Variants in BAIAP3 observed in about 807,000 individuals in gnomAD.
BAIAP3 encodes BAI1-associated protein 3.
In BAIAP3, 180 loss-of-function variants were observed where a neutral mutation model predicts 149.7. The ratio of observed to expected loss-of-function variants is 1.20; its 90% CI spans 1.07 to 1.36. The LOEUF (loss-of-function observed/expected upper bound fraction) is 1.36. Among genes scored for constraint, BAIAP3 ranks in the 40% most tolerant of loss-of-function variants. The pLI is 0.00. For synonymous variants in BAIAP3, 845 were observed against 670.7 expected, an observed-to-expected ratio of 1.26 and a Z score of -4.02; for missense variants, 1,767 against 1,563.4, an observed-to-expected ratio of 1.13 and a Z score of -2.20.
At chr16:1,341,763 C>G in intron 8 of BAIAP3, 59 bp from the exon 9 acceptor site, 1 of 1,568,520 alleles carries the variant, frequency 6.4e-7, no homozygotes, top group Non-Finnish European at 8.7e-7. Flanking sequence ...GACTCCCTGA[C>G]CCCGGCCTGG....
intron 1 of BAIAP3, chr16:1,336,331 A>C: frequency 1.0e-6 from 1 of 985,320 alleles, no homozygotes; most frequent in Non-Finnish European, 1.2e-6. Flanking sequence ...CACTGTACCC[A>C]GCCTACCAAG....
chr16:1,341,038 C>A, intron 6 of BAIAP3, 57 bp downstream of exon 6: 1 of 1,610,056 alleles, frequency 6.2e-7, no homozygotes, highest in Non-Finnish European at 8.5e-7. Context: ...GTGGCGGGGG[C>A]ACGGGGCAAG....
rs376869554 is a variant in BAIAP3 at position 1,345,865 on chromosome 16, A to T, written c.2183A>T (p.Gln728Leu). 1.3e-6 allele frequency: 2 copies of T among 1,577,122 alleles called. No homozygotes were observed. The highest frequency in any genetic ancestry group is 2.7e-5 in the African/African-American group (2 of 74,308). ...RLAWPDPAQA[Q>L]GLGTQLGQDV... ...GCGTGGCCTGACCCTGCCCAGGCTC[A>T]GGGGCTGGGCACCCAGCTTGGCCAG... Residue 728 changes from glutamine to leucine, a missense_variant, in exon 23 of 34, where the codon CAG (glutamine) becomes CTG (leucine). Gln to Leu is a moderately radical substitution (Grantham distance 113). Transcript: ENST00000426824.
chr16:1,334,479 G>A (rs1359952974), intron 1 of BAIAP3: 3 of 614,982 alleles, frequency 4.9e-6, no homozygotes, highest in Admixed American at 3.0e-5. Context: ...GGGTCGGTGA[G>A]CAGAGGGAGG....
intron 10 of BAIAP3, 24 bp downstream of exon 10, chr16:1,342,087 C>T: frequency 1.9e-6 from 3 of 1,583,190 alleles, no homozygotes; most frequent in Non-Finnish European, 2.6e-6. Flanking sequence ...GACCTTTCTA[C>T]CCATCACCCG....
At position 1,338,412 on chromosome 16, in the gene BAIAP3, G is replaced by A. The variant is rs1027643196; in HGVS notation, c.-10-128G>A. On this transcript the variant is annotated intron_variant, in intron 1 of 33. Coordinates refer to ENST00000426824, the MANE Select transcript of BAIAP3 (RefSeq NM_001199097.2). Reference sequence around the variant, plus strand: ...CTGACCAGGTGCCCAGCGCCATCCAGGCTGTGGGTGAGCTCCCAGGCCTCT... The same window carrying A: ...CTGACCAGGTGCCCAGCGCCATCCAAGCTGTGGGTGAGCTCCCAGGCCTCT... 113 of 1,266,744 alleles carry A rather than the reference G, an allele frequency of 8.9e-5. No homozygotes were observed. The African/African-American group carries it at 1.4e-3, about 16-fold the overall frequency. The allele number at this position is 1,266,744 out of a possible 1,614,324, so 78.5% of individuals were successfully genotyped here.
chr16:1,346,651 T>G lies in BAIAP3; in HGVS notation c.2609T>G (p.Leu870Arg), dbSNP rs1477805229. Reference protein sequence around the residue: ...MKYLDEKLALLNASLVKGNLS... With the variant: ...MKYLDEKLALRNASLVKGNLS... ...TACCTGGATGAGAAGCTGGCCCTGC[T>G]GAACGCCTCGCTGGTGAAGGGGAAC... is the stretch of plus-strand genomic sequence containing the variant. Residue 870 changes from leucine (L) to arginine (R), a missense_variant, in exon 27 of 34, where the codon CTG (leucine) becomes CGG (arginine). Physicochemically the swap from Leu to Arg is moderately radical, Grantham distance 102 (BLOSUM62 -2). Coordinates refer to ENST00000426824, the MANE Select transcript of BAIAP3 (RefSeq NM_001199097.2). 2.2e-6 allele frequency: 3 copies of G among 1,351,812 alleles called. No individual in the cohort carries two copies. Among genetic ancestry groups the G allele is most frequent in the Non-Finnish European group, 2.9e-6 (3 of 1,034,704 alleles). 83.7% of individuals were successfully genotyped at this position (1,351,812 alleles called of 1,614,324 possible).
At chr16:1,339,467 C>T (rs748270308) in intron 4 of BAIAP3, 29 bp from the exon 5 acceptor site, 2 of 1,588,848 alleles carry the variant, frequency 1.3e-6, no homozygotes, top group South Asian at 1.1e-5. Flanking sequence ...TGGGACGCGG[C>T]ACTGTGGCCG....
chr16:1,348,482 A>G lies in BAIAP3; in HGVS notation c.3459A>G (p.Ter1153TrpextTer39), dbSNP rs772440373. The stretch of plus-strand genomic sequence containing the variant: ...AGAAGTGCATGGAGGCGGACCCCTG[A>G]GTCCATCAGCTGCCAGCCCCGGCCC... ...ELEKCMEADP[*>W] The change falls in exon 34 of 34, where the codon TGA becomes TGG. Residue 1153 changes from the stop codon to tryptophan, a stop_lost. Coordinates refer to ENST00000426824, the MANE Select transcript of BAIAP3 (RefSeq NM_001199097.2). 49 of 1,606,360 alleles carry G rather than the reference A, an allele frequency of 3.1e-5. No individual in the cohort carries two copies. The highest frequency in any genetic ancestry group is 3.2e-5 in the Non-Finnish European group (38 of 1,177,198).
At position 1,334,556 on chromosome 16, in the gene BAIAP3, CCTG is replaced by C. The variant is rs1052771048; in HGVS notation, c.-11+811_-11+813del. ...GCCTCGGGCTCCGGTCTCCTGCGCT[CCTG>C]CTGGGCGCCAGCGGCTGGACCTTGG... On this transcript the variant is annotated intron_variant, in intron 1 of 33. Coordinates refer to ENST00000426824, the MANE Select transcript of BAIAP3 (RefSeq NM_001199097.2). 2.8e-5 allele frequency: 30 copies of C among 1,087,484 alleles called. No homozygotes were observed. In the African/African-American group the frequency reaches 4.7e-4, roughly 17 times the overall value. The allele number at this position is 1,087,484 out of a possible 1,614,324, so 67.4% of individuals were successfully genotyped here. A position where few individuals can be genotyped will look rare whatever the true frequency, so the allele number is the denominator to read the frequency against.
Position 1,348,134 on chromosome 16 carries a change from G to C in BAIAP3, c.3188G>C (p.Cys1063Ser). 1.2e-6 allele frequency: 2 copies of C among 1,606,638 alleles called. No homozygotes were observed. Among genetic ancestry groups the C allele is most frequent in the Non-Finnish European group, 1.7e-6 (2 of 1,179,708 alleles). ...GAGGCGTGCCGCCGCCGCGCGGCCT[G>C]TGTGTTGTTCACCGTCATGGACCAC... is the stretch of plus-strand genomic sequence containing the variant. ...PAEACRRRAA[C>S]VLFTVMDHDW... is the part of the protein sequence containing the mutation. The change falls in exon 33 of 34, where the codon TGT becomes TCT. Residue 1063 changes from cysteine to serine, a missense_variant. Physicochemically the swap from Cys to Ser is moderately radical, Grantham distance 112. Transcript: ENST00000426824.
At chr16:1,343,342 G>C (rs1596576624) in intron 14 of BAIAP3, 51 bp from the exon 15 acceptor site, 1 of 1,560,584 alleles carries the variant, frequency 6.4e-7, no homozygotes, top group East Asian at 2.4e-5. Flanking sequence ...TGCTGAGTGG[G>C]CATGGCAGGG....
rs2034587437 is a variant in BAIAP3, at chr16:1,349,210, C to A, written c.*728C>A. The A allele has an allele frequency of 3.4e-6, 2 of 591,466 alleles. No homozygotes were observed. The highest frequency in any genetic ancestry group is 6.0e-5 in the Admixed American group (2 of 33,126). The allele number at this position is 591,466 out of a possible 1,614,324, so 36.6% of individuals were successfully genotyped here. On this transcript the variant is annotated 3_prime_UTR_variant, in exon 34 of 34. Transcript: ENST00000426824. ...GAGTTCGCCCCAACCCTTCCCCAGG[C>A]CCAGTGTGAAAAACAGACTCACAAG...
Position 1,347,585 on chromosome 16 carries a change from G to T in BAIAP3, c.2864G>T (p.Arg955Leu). The change falls in exon 30 of 34, where the codon CGC becomes CTC. Residue 955 changes from arginine (R) to leucine (L), a missense_variant. By Grantham distance (102) the Arg-to-Leu change is moderately radical (BLOSUM62 -2). Coordinates refer to ENST00000426824, the MANE Select transcript of BAIAP3 (RefSeq NM_001199097.2). Reference sequence around the variant, plus strand: ...CTGCGGCTGCACAAATGTTCCACCCGCGAGTGCATCGAGCAGTTCTACCTG... The same window carrying T: ...CTGCGGCTGCACAAATGTTCCACCCTCGAGTGCATCGAGCAGTTCTACCTG... ...EELRLHKCSTRECIEQFYLDK... is the reference protein window; with the variant it reads ...EELRLHKCSTLECIEQFYLDK... The T allele has an allele frequency of 4.3e-6, 7 of 1,612,832 alleles. No homozygotes were observed. Among genetic ancestry groups the T allele is most frequent in the Non-Finnish European group, 5.9e-6 (7 of 1,179,878 alleles).
Position 1,345,288 on chromosome 16 carries a change from C to G in BAIAP3, c.1980C>G (p.Pro660=), listed in dbSNP as rs764267117. Residue 660 remains proline, a synonymous_variant, in exon 22 of 34, where the codon CCC becomes CCG. Coordinates refer to ENST00000426824, the MANE Select transcript of BAIAP3 (RefSeq NM_001199097.2). The part of the protein sequence containing the change: ...RSLALAGIHA[P]FLPAVKLWFQ... ...TGGCCCTGGCTGGCATCCACGCCCC[C>G]TTCCTGCCTGCTGTGAAGCTCTGGT... The G allele has an allele frequency of 1.9e-6, 3 of 1,613,186 alleles. No individual in the cohort carries two copies. Among genetic ancestry groups the G allele is most frequent in the Non-Finnish European group, 2.5e-6 (3 of 1,179,930 alleles).
At chr16:1,334,540 T>TC in intron 1 of BAIAP3, 3 of 858,418 alleles carry the variant, frequency 3.5e-6, no homozygotes, top group Non-Finnish European at 5.4e-6. Flanking sequence ...CGCCTCGGGC[T>TC]CCGGTCTCCT....
At chr16:1,334,542 C>T (rs1406523354) in intron 1 of BAIAP3, 22 of 884,018 alleles carry the variant, frequency 2.5e-5, no homozygotes, top group Non-Finnish European at 3.6e-5. Flanking sequence ...CCTCGGGCTC[C>T]GGTCTCCTGC....
At position 1,349,314 on chromosome 16, in the gene BAIAP3, G is replaced by T; in HGVS notation, c.*832G>T. The T allele has an allele frequency of 9.2e-7, 1 of 1,090,866 alleles. No homozygotes were observed. The highest frequency in any genetic ancestry group is 1.4e-6 in the Non-Finnish European group (1 of 711,520). The allele number at this position is 1,090,866 out of a possible 1,614,324, so 67.6% of individuals were successfully genotyped here. ...CACAGCTGTGCTGGAAGTGTGGGGA[G>T]AACCCGGACAGCTCAGTCCTGCCAG... On this transcript the variant is annotated 3_prime_UTR_variant, in exon 34 of 34. Coordinates refer to ENST00000426824, the MANE Select transcript of BAIAP3 (RefSeq NM_001199097.2).
intron 17 of BAIAP3, 30 bp downstream of exon 17, chr16:1,344,347 T>A (rs1205146877): frequency 6.2e-7 from 1 of 1,613,008 alleles, no homozygotes. Context: ...GGAGGCCGGC[T>A]GCTAAGCCCT....
Sources: gnomAD v4.1 joint callset for allele counts on GRCh38, gnomAD v4.1.1 for gene constraint, MANE v1.5 for transcripts, NCBI Gene and HGNC (gene_info 2026-07-23, HGNC 2026-07-21) for gene names.